The following HS3ST4 variants were observed in gnomAD, a reference collection of about 807,000 sequenced individuals.
The protein encoded by HS3ST4 is heparan sulfate-glucosamine 3-sulfotransferase 4.
In HS3ST4, 17 loss-of-function variants were observed where a neutral mutation model predicts 29.2. The observed-to-expected ratio is 0.58, with a 90% confidence interval of 0.40 to 0.87. The LOEUF (loss-of-function observed/expected upper bound fraction) is 0.87. Ranked by LOEUF, HS3ST4 falls within the 40% of genes least tolerant of loss-of-function variation. HS3ST4 has a pLI of 0.00. For synonymous variants in HS3ST4, 314 were observed against 285.7 expected, an observed-to-expected ratio of 1.10 and a Z score of -1.00; for missense variants, 627 against 634.5, an observed-to-expected ratio of 0.99 and a Z score of 0.13.
chr16:25,796,547 C>T (rs11861610), intron 1 of HS3ST4, among the ~76,000 whole-genome samples: 12,709 of 151,796 alleles, frequency 0.084, 556 homozygotes, highest in Non-Finnish European at 0.095. Context: ...CCGAGTATGG[C>T]ATTGCAAAAA....
At chr16:25,881,258 T>C (rs534803424) in intron 1 of HS3ST4, among the ~76,000 whole-genome samples, 15 of 152,308 alleles carry the variant, frequency 9.8e-5, no homozygotes, top group African/African-American at 3.6e-4. Context: ...TAGCTTCCTT[T>C]TGGTTTTTGG....
At chr16:25,780,034 C>T (rs1284054143) in intron 1 of HS3ST4, among the ~76,000 whole-genome samples, 6 of 152,290 alleles carry the variant, frequency 3.9e-5, no homozygotes, top group Admixed American at 3.3e-4. Flanking sequence ...AGGAGGCAAG[C>T]GGGCGCACAA....
intron 1 of HS3ST4, among the ~76,000 whole-genome samples, chr16:26,108,948 T>C (rs1319732791): frequency 6.6e-6 from 1 of 152,120 alleles, no homozygotes; most frequent in Non-Finnish European, 1.5e-5. Context: ...CTAAGAGGAA[T>C]TCTGCCTGCC....
At chr16:25,811,728 C>G (rs557563755) in intron 1 of HS3ST4, among the ~76,000 whole-genome samples, 1 of 152,086 alleles carries the variant, frequency 6.6e-6, no homozygotes, top group South Asian at 2.1e-4. Context: ...CCACTGCGCC[C>G]GGCCAGTAAC....
intron 1 of HS3ST4, among the ~76,000 whole-genome samples, chr16:25,737,143 C>G (rs1296512127): frequency 6.6e-6 from 1 of 152,062 alleles, no homozygotes; most frequent in Admixed American, 6.6e-5. Context: ...GCATGTGCAC[C>G]ATTGAATACT....
chr16:25,779,640 A>G (rs887156236), intron 1 of HS3ST4, among the ~76,000 whole-genome samples: 14 of 152,230 alleles, frequency 9.2e-5, no homozygotes, highest in African/African-American at 3.4e-4. Flanking sequence ...CTTTTCAGAT[A>G]TTCTGAACAA....
intron 1 of HS3ST4, among the ~76,000 whole-genome samples, chr16:26,001,614 A>G (rs904450756): frequency 1.8e-4 from 28 of 152,190 alleles, no homozygotes; most frequent in Admixed American, 1.7e-3. Flanking sequence ...TGCAATTAAT[A>G]TAAGTCGTCC....
intron 1 of HS3ST4, among the ~76,000 whole-genome samples, chr16:25,893,546 G>A (rs1968031203): frequency 1.3e-5 from 2 of 152,152 alleles, no homozygotes; most frequent in Non-Finnish European, 2.9e-5. Flanking sequence ...TGGGTCACAT[G>A]CAAATTCATG....
intron 1 of HS3ST4, among the ~76,000 whole-genome samples, chr16:25,822,729 A>G (rs2141634365): frequency 6.7e-6 from 1 of 150,306 alleles, no homozygotes; most frequent in Middle Eastern, 3.4e-3. Context: ...GTGTTCCCCC[A>G]GGATTACTTT....
chr16:25,738,772 C>T (rs1480975495), intron 1 of HS3ST4, among the ~76,000 whole-genome samples: 1 of 152,154 alleles, frequency 6.6e-6, no homozygotes, highest in East Asian at 1.9e-4. Flanking sequence ...CTTCTCCCTC[C>T]AGCTCACCTC....
At chr16:25,789,946 A>T (rs1424116634) in intron 1 of HS3ST4, among the ~76,000 whole-genome samples, 1 of 152,232 alleles carries the variant, frequency 6.6e-6, no homozygotes, top group Non-Finnish European at 1.5e-5. Context: ...ATATACTGAA[A>T]ATAATGTATC....
At chr16:26,118,617 A>G (rs1257610785) in intron 1 of HS3ST4, among the ~76,000 whole-genome samples, 1 of 152,176 alleles carries the variant, frequency 6.6e-6, no homozygotes, top group Non-Finnish European at 1.5e-5. Context: ...ATTAATAGCT[A>G]CTTGTGGCTA....
chr16:26,118,802 G>A (rs954377091), intron 1 of HS3ST4, among the ~76,000 whole-genome samples: 2 of 152,156 alleles, frequency 1.3e-5, no homozygotes, highest in Non-Finnish European at 2.9e-5. Context: ...GAGAAGGCCG[G>A]TGTTGCTGGG....
intron 1 of HS3ST4, among the ~76,000 whole-genome samples, chr16:25,921,149 G>T (rs1968347776): frequency 6.6e-6 from 1 of 152,174 alleles, no homozygotes; most frequent in Admixed American, 6.5e-5. Flanking sequence ...TGTCTGTAGT[G>T]CCCAGAATGG....
chr16:25,936,767 G>A (rs1488164538), intron 1 of HS3ST4, among the ~76,000 whole-genome samples: 2 of 152,214 alleles, frequency 1.3e-5, no homozygotes, highest in Admixed American at 6.5e-5. Flanking sequence ...ATGCATTGTA[G>A]TCCAATGGGA....
intron 1 of HS3ST4, among the ~76,000 whole-genome samples, chr16:25,774,525 T>G (rs1054286588): frequency 1.3e-5 from 2 of 152,236 alleles, no homozygotes; most frequent in African/African-American, 4.8e-5. Context: ...AAGGCCAGAC[T>G]GCCTGAGCTT....
chr16:25,692,603 T>C lies in HS3ST4; in HGVS notation c.186T>C (p.Pro62=). Residue 62 remains proline, a synonymous_variant, in exon 1 of 2, where the codon CCT becomes CCC. Transcript: ENST00000331351. ...GCGGCTCGGGCTCCCTGCAATTCCC[T>C]CTGGCGCTGCAGGAGTCGCCGGGCG... ...LLGGSGSLQF[P]LALQESPGAA... 7.2e-7 allele frequency: 1 copy of C among 1,394,788 alleles called. No individual in the cohort carries two copies. Among genetic ancestry groups the C allele is most frequent in the South Asian group, 1.4e-5 (1 of 70,470 alleles). 86.4% of individuals were successfully genotyped at this position (1,394,788 alleles called of 1,614,324 possible).
chr16:26,085,115 C>T (rs1318236861), intron 1 of HS3ST4, among the ~76,000 whole-genome samples: 2 of 152,186 alleles, frequency 1.3e-5, no homozygotes, highest in African/African-American at 4.8e-5. Context: ...AACCGGCTTT[C>T]TGGAGACTTT....
At chr16:26,118,647 G>T (rs771461740) in intron 1 of HS3ST4, among the ~76,000 whole-genome samples, 3 of 152,088 alleles carry the variant, frequency 2.0e-5, no homozygotes, top group Non-Finnish European at 4.4e-5. Flanking sequence ...ATATTGGATG[G>T]CACAGGTCCA....
Sources: allele counts gnomAD v4.1 joint callset (sites outside exome capture counted in the v4.1 genomes callset), GRCh38; gene constraint gnomAD v4.1.1; transcripts MANE v1.5; gene names NCBI Gene and HGNC (gene_info 2026-07-23, HGNC 2026-07-21).